Variants in ZNF331 observed in about 807,000 individuals in gnomAD.
The protein encoded by ZNF331 is C2H2-like zinc finger protein rearranged in thyroid adenomas.
ZNF331 carries 2 observed loss-of-function variants against 7.0 expected under a neutral mutation model. The observed-to-expected ratio is 0.29, with a 90% CI of 0.12 to 0.90. The LOEUF (loss-of-function observed/expected upper bound fraction) is 0.90. Among genes scored for constraint, ZNF331 ranks in the 40% least tolerant of loss-of-function variants. ZNF331 has a pLI of 0.58. For synonymous variants in ZNF331, 196 were observed against 205.4 expected (o/e 0.95, Z 0.39); for missense variants, 432 against 587.7 (o/e 0.74, Z 2.74).
chr19:53,549,196 G>A (rs948919349), intron 2 of ZNF331, among the ~76,000 whole-genome samples: 10 of 152,078 alleles, frequency 6.6e-5, no homozygotes, highest in South Asian at 6.2e-4. Flanking sequence ...TTAAGAGATC[G>A]TCCTTTCCCC....
upstream of ZNF331, among the ~76,000 whole-genome samples, chr19:53,516,448 CAAAAA>C (rs34986946): frequency 8.3e-6 from 1 of 120,394 alleles, no homozygotes; most frequent in Non-Finnish European, 1.8e-5. Flanking sequence ...GACTCCATCT[CAAAAA>C]AAAAAAAAAA....
intron 4 of ZNF331, among the ~76,000 whole-genome samples, chr19:53,570,694 A>G (rs2090398894): frequency 6.6e-6 from 1 of 150,510 alleles, no homozygotes; most frequent in South Asian, 2.1e-4. Flanking sequence ...CGCCACACCC[A>G]GCTAATTTTG....
chr19:53,519,526 C>A (rs2086989615), upstream of ZNF331, among the ~76,000 whole-genome samples: 2 of 152,194 alleles, frequency 1.3e-5, no homozygotes, highest in African/African-American at 4.8e-5. Context: ...TGGCAAAGGT[C>A]CAAGGAACAT....
At chr19:53,505,713 G>A in the ZNF331 span, among the ~76,000 whole-genome samples, 1 of 152,196 alleles carries the variant, frequency 6.6e-6, no homozygotes, top group Non-Finnish European at 1.5e-5. Flanking sequence ...GAGGCCGGGC[G>A]TGGTGGCTCA....
intron 5 of ZNF331, among the ~76,000 whole-genome samples, chr19:53,574,937 CTTTT>C (rs11354144): frequency 1.0e-4 from 12 of 119,492 alleles, no homozygotes; most frequent in Non-Finnish European, 1.5e-4. Flanking sequence ...TTTTTCTTTT[CTTTT>C]TTTTTTTTTT....
intron 3 of ZNF331, among the ~76,000 whole-genome samples, chr19:53,566,335 C>T (rs1038281085): frequency 2.6e-5 from 4 of 152,060 alleles, no homozygotes; most frequent in African/African-American, 4.8e-5. Context: ...CTCTTTCGTC[C>T]AGGCTGGAGT....
chr19:53,507,894 G>A, the ZNF331 span, among the ~76,000 whole-genome samples: 2 of 152,132 alleles, frequency 1.3e-5, no homozygotes, highest in Non-Finnish European at 2.9e-5. Flanking sequence ...CAGCTACTTC[G>A]GAGACTGAGG....
At chr19:53,523,476 C>T (rs1246119827) in intron 2 of ZNF331, 3 of 152,158 alleles carry the variant, frequency 2.0e-5, no homozygotes, top group Non-Finnish European at 2.9e-5. Context: ...GCCTCAGCCT[C>T]CCAAAGTCCT....
chr19:53,532,447 T>C (rs372229479), intron 2 of ZNF331, among the ~76,000 whole-genome samples: 6 of 152,360 alleles, frequency 3.9e-5, no homozygotes, highest in African/African-American at 1.4e-4. Context: ...TAGTATTTAA[T>C]TGTGATATAT....
At position 53,577,486 on chromosome 19, in the gene ZNF331, C is replaced by T; in HGVS notation, c.926C>T (p.Thr309Ile). The change falls in exon 6 of 6, where the codon ACT (threonine) becomes ATT (isoleucine). Residue 309 changes from threonine (T) to isoleucine (I), a missense_variant. Around this residue, in one of 3 missense-constraint regions of ZNF331, gnomAD observed 312 missense variants for 448.6 expected, o/e 0.70. Coordinates refer to ENST00000449416, the MANE Select transcript of ZNF331 (RefSeq NM_001079906.2). ...TGTCAAGAATGTGGGAAGGCCTTTA[C>T]TCGAGTCAATTACCTTACTCAGCAT... ...YECQECGKAF[T>I]RVNYLTQHQK... 1 of 1,613,808 alleles carries T rather than the reference C, an allele frequency of 6.2e-7. No individual in the cohort carries two copies. The highest frequency in any genetic ancestry group is 8.5e-7 in the Non-Finnish European group (1 of 1,179,954).
chr19:53,531,433 T>G (rs1470661946), intron 2 of ZNF331, among the ~76,000 whole-genome samples: 1 of 152,186 alleles, frequency 6.6e-6, no homozygotes, highest in Non-Finnish European at 1.5e-5. Context: ...TGCTCTGCTC[T>G]TCTAAGAATC....
At chr19:53,551,594 G>T (rs1051448190) in intron 2 of ZNF331, among the ~76,000 whole-genome samples, 1 of 152,122 alleles carries the variant, frequency 6.6e-6, no homozygotes, top group East Asian at 1.9e-4. Flanking sequence ...AAAATATAGT[G>T]CACCCTTGGA....
chr19:53,572,490 C>T (rs577970845), intron 5 of ZNF331, among the ~76,000 whole-genome samples: 2 of 150,344 alleles, frequency 1.3e-5, no homozygotes, highest in Non-Finnish European at 2.9e-5. Context: ...AAGACCCCAT[C>T]GCTAAAACAA....
chr19:53,525,437 A>AGT (rs1481368077), intron 2 of ZNF331, among the ~76,000 whole-genome samples: 1 of 152,144 alleles, frequency 6.6e-6, no homozygotes, highest in East Asian at 1.9e-4. Flanking sequence ...TTTGTTGAGC[A>AGT]GTGGTTTGTA....
At chr19:53,535,710 C>T (rs1447875692), upstream of ZNF331, among the ~76,000 whole-genome samples, 1 of 152,014 alleles carries the variant, frequency 6.6e-6, no homozygotes, top group Non-Finnish European at 1.5e-5. Context: ...TGGAAATATT[C>T]CCAAGGTTAT....
At chr19:53,542,735 A>G (rs1399086344) in intron 2 of ZNF331, among the ~76,000 whole-genome samples, 2 of 150,296 alleles carry the variant, frequency 1.3e-5, no homozygotes, top group South Asian at 2.1e-4. Context: ...AACAAAATGA[A>G]TTTCATTCTT....
intron 3 of ZNF331, among the ~76,000 whole-genome samples, chr19:53,556,493 AT>A (rs376305079): frequency 1.8e-3 from 255 of 141,002 alleles, no homozygotes; most frequent in Admixed American, 2.0e-3. Context: ...TTTTTTTTTA[AT>A]TTTTTTTTTT....
At chr19:53,534,022 G>A (rs771849756), upstream of ZNF331, among the ~76,000 whole-genome samples, 1 of 152,210 alleles carries the variant, frequency 6.6e-6, no homozygotes, top group African/African-American at 2.4e-5. Flanking sequence ...AGGAAAATAT[G>A]CCAGGCATGG....
chr19:53,516,456 A>G (rs2086907056), upstream of ZNF331, among the ~76,000 whole-genome samples: 1 of 152,236 alleles, frequency 6.6e-6, no homozygotes, highest in East Asian at 1.9e-4. Flanking sequence ...CTCAAAAAAA[A>G]AAAAAAAAAG....
Sources: allele counts gnomAD v4.1 joint callset (sites outside exome capture counted in the v4.1 genomes callset), GRCh38; gene constraint gnomAD v4.1.1; regional missense constraint gnomAD v4.1.1; transcripts MANE v1.5; gene names NCBI Gene and HGNC (gene_info 2026-07-23, HGNC 2026-07-21).